The following MTMR10 variants were observed in gnomAD, a reference collection of about 807,000 sequenced individuals.
MTMR10 encodes myotubularin related protein 10, also known as myotubularin-related protein 10.
Under a neutral mutation model 88.1 loss-of-function variants are expected in MTMR10, and 56 were observed. The ratio of observed to expected loss-of-function variants is 0.64; its 90% CI spans 0.51 to 0.79. The LOEUF (loss-of-function observed/expected upper bound fraction) is 0.79, where lower values mean the gene tolerates loss of function less well. MTMR10 is among the 30% of genes least tolerant of loss of function. The pLI is 0.00. For synonymous variants in MTMR10, 380 were observed against 340.9 expected (o/e 1.11, Z -1.26); for missense variants, 883 against 924.7 (o/e 0.95, Z 0.58).
At position 30,940,765 on chromosome 15, in the gene MTMR10, A is replaced by G. The variant is rs2063018518; in HGVS notation, c.*705T>C. On this transcript the variant is annotated 3_prime_UTR_variant, in exon 16 of 16. Coordinates refer to ENST00000435680, the MANE Select transcript of MTMR10 (RefSeq NM_017762.3). ...TATGCAATGGGATTTTCCCACCCCA[A>G]TTTTAAAAAGTGAAATTATATTTTC... is the stretch of plus-strand genomic sequence containing the variant. The G allele has an allele frequency of 1.0e-6, 1 of 988,684 alleles. No homozygotes were observed. The highest frequency in any genetic ancestry group is 1.2e-6 in the Non-Finnish European group (1 of 831,948). 61.2% of individuals were successfully genotyped at this position (988,684 alleles called of 1,614,324 possible).
intron 1 of MTMR10, among the ~76,000 whole-genome samples, 171 bp from the exon 2 acceptor site, chr15:30,991,008 T>A (rs1595958043): frequency 6.6e-6 from 1 of 152,230 alleles, no homozygotes; most frequent in East Asian, 1.9e-4. Flanking sequence ...ATTATCGACT[T>A]GGAAGCCTAA....
chr15:30,943,420 AC>A (rs2140991134), intron 14 of MTMR10: 2 of 984,810 alleles, frequency 2.0e-6, no homozygotes, highest in East Asian at 1.1e-4. Context: ...ACAGTATTTT[AC>A]TTTTATGAGC....
rs768666383 is a variant in MTMR10 at position 30,954,898 on chromosome 15, T to A, written c.936-5A>T. The A allele has an allele frequency of 1.3e-6, 2 of 1,539,282 alleles. No homozygotes were observed. Among genetic ancestry groups the A allele is most frequent in the South Asian group, 2.4e-5 (2 of 81,974 alleles). ...TTAGTTATTGCATTACAAATCCTAATAAAGACAAAAATACTTTAGTCATTA... is the reference window on the plus strand; with the variant it reads ...TTAGTTATTGCATTACAAATCCTAAAAAAGACAAAAATACTTTAGTCATTA... On this transcript the variant is annotated splice_region_variant and splice_polypyrimidine_tract_variant and intron_variant, in intron 9 of 15. Coordinates refer to ENST00000435680, the MANE Select transcript of MTMR10 (RefSeq NM_017762.3).
intron 6 of MTMR10, chr15:30,965,992 G>A (rs2063467662): frequency 2.2e-6 from 1 of 454,792 alleles, no homozygotes; most frequent in African/African-American, 2.0e-5. Flanking sequence ...ACTGCAGTGT[G>A]TGGAAATTTC....
At chr15:30,923,488 T>A in the MTMR10 span, among the ~76,000 whole-genome samples, 1 of 152,220 alleles carries the variant, frequency 6.6e-6, no homozygotes, top group East Asian at 1.9e-4. Flanking sequence ...CCTCCTAACC[T>A]CTGTTTCCAG....
Position 30,976,861 on chromosome 15 carries a change from G to A in MTMR10, c.216C>T (p.Asn72=). 6.2e-7 allele frequency: 1 copy of A among 1,613,884 alleles called. No individual in the cohort carries two copies. ...YDLWGKLICS[N]FKISFITDDP... ...CATCTGTAATAAAGGAGATTTTGAA[G>A]TTACTGCATATCAGCTTTCCCCACA... Residue 72 remains asparagine (N), a synonymous_variant, in exon 3 of 16, where the codon AAC becomes AAT. Coordinates refer to ENST00000435680, the MANE Select transcript of MTMR10 (RefSeq NM_017762.3).
chr15:30,961,109 C>G, intron 6 of MTMR10, 36 bp from the exon 7 acceptor site: 1 of 1,519,504 alleles, frequency 6.6e-7, no homozygotes, highest in Non-Finnish European at 8.8e-7. Flanking sequence ...TTTTAACAGT[C>G]ACATTTTCCC....
downstream of MTMR10, among the ~76,000 whole-genome samples, chr15:30,937,947 T>C (rs559228996): frequency 6.0e-5 from 9 of 151,018 alleles, no homozygotes; most frequent in Non-Finnish European, 8.9e-5. Context: ...TTTGGGAGGC[T>C]GAGCGAGGCA....
intron 5 of MTMR10, among the ~76,000 whole-genome samples, chr15:30,973,724 T>C (rs1029002383): frequency 6.6e-6 from 1 of 152,034 alleles, no homozygotes; most frequent in African/African-American, 2.4e-5. Context: ...AAGCAAAACA[T>C]GGAAAACATG....
intron 3 of MTMR10, among the ~76,000 whole-genome samples, chr15:30,976,324 C>G (rs2030150020): frequency 6.6e-6 from 1 of 151,936 alleles, no homozygotes; most frequent in African/African-American, 2.4e-5. Context: ...ATAGCTTGAG[C>G]CCAGGAAGCA....
the MTMR10 span, chr15:30,930,560 G>C: frequency 1.0e-4 from 165 of 1,598,444 alleles, no homozygotes; most frequent in Middle Eastern, 2.5e-3. Flanking sequence ...TCTCCTGCCT[G>C]GGGGGCCCTG....
chr15:30,947,560 CTA>C (rs1014865411), intron 13 of MTMR10, among the ~76,000 whole-genome samples: 53 of 152,164 alleles, frequency 3.5e-4, no homozygotes, highest in African/African-American at 1.2e-3. Flanking sequence ...CGGGTTGCCA[CTA>C]TATGAAGGGG....
chr15:30,984,686 C>T (rs557484990), intron 2 of MTMR10, among the ~76,000 whole-genome samples: 18 of 152,210 alleles, frequency 1.2e-4, no homozygotes, highest in Admixed American at 6.5e-5. Context: ...TTTTCTGATC[C>T]GATTACAAAA....
At chr15:30,925,258 G>A in the MTMR10 span, 35 of 1,614,074 alleles carry the variant, frequency 2.2e-5, no homozygotes, top group Non-Finnish European at 2.9e-5. Context: ...TCTTCCAGCA[G>A]CTCCCAGAAA....
intron 14 of MTMR10, chr15:30,946,774 A>T (rs1339817402): frequency 2.8e-6 from 2 of 702,492 alleles, no homozygotes; most frequent in Admixed American, 4.0e-5. Context: ...TTTTTATCCT[A>T]CTGACCTAGG....
At chr15:30,979,513 G>T (rs2030405184) in intron 2 of MTMR10, among the ~76,000 whole-genome samples, 1 of 152,064 alleles carries the variant, frequency 6.6e-6, no homozygotes, top group African/African-American at 2.4e-5. Flanking sequence ...AGGAGGTGGA[G>T]GTTGCAGTGC....
chr15:30,975,098 A>C, intron 3 of MTMR10, 95 bp from the exon 4 acceptor site: 2 of 949,522 alleles, frequency 2.1e-6, no homozygotes, highest in Non-Finnish European at 3.1e-6. Context: ...TGTGACAGTT[A>C]TCTCTAAAAA....
At chr15:30,922,598 C>T in the MTMR10 span, among the ~76,000 whole-genome samples, 1 of 152,144 alleles carries the variant, frequency 6.6e-6, no homozygotes, top group Non-Finnish European at 1.5e-5. Flanking sequence ...TTACTGTGGA[C>T]TCTGTGCTGG....
chr15:30,948,210 G>C lies in MTMR10; in HGVS notation c.1377+92C>G, dbSNP rs925870835. 7 of 1,218,430 alleles carry C rather than the reference G, an allele frequency of 5.7e-6. No homozygotes were observed. The African/African-American group carries it at 1.1e-4, about 19-fold the overall frequency. The allele number at this position is 1,218,430 out of a possible 1,614,324, so 75.5% of individuals were successfully genotyped here. A position where few individuals can be genotyped will look rare whatever the true frequency, so the allele number is the denominator to read the frequency against. On this transcript the variant is annotated intron_variant, in intron 13 of 15. Transcript: ENST00000435680. Reference sequence around the variant, plus strand: ...AGGAAATTAAGTTGTACTAAATACAGTATTTTTTAAAAGCCCCTTCATCTT... The same window carrying C: ...AGGAAATTAAGTTGTACTAAATACACTATTTTTTAAAAGCCCCTTCATCTT...
Sources: allele counts gnomAD v4.1 joint callset (sites outside exome capture counted in the v4.1 genomes callset), GRCh38; gene constraint gnomAD v4.1.1; transcripts MANE v1.5; gene names NCBI Gene and HGNC (gene_info 2026-07-23, HGNC 2026-07-21).